The following RASGRP1 variants were observed in gnomAD, a reference collection of about 807,000 sequenced individuals.
RASGRP1 encodes the protein RAS guanyl releasing protein 1.
In RASGRP1, 37 loss-of-function variants were observed where a neutral mutation model predicts 95.1. The ratio of observed to expected loss-of-function variants is 0.39; its 90% CI spans 0.30 to 0.51. RASGRP1 has a LOEUF of 0.51. Ranked by LOEUF, RASGRP1 falls within the 20% of genes least tolerant of loss-of-function variation. RASGRP1 has a pLI of 0.80. For missense variants in RASGRP1, 711 were observed against 965.4 expected, an observed-to-expected ratio of 0.74 and a Z score of 3.49; for synonymous variants, 325 against 353.4, an observed-to-expected ratio of 0.92 and a Z score of 0.90.
chr15:38,529,941 T>C (rs560632225), intron 2 of RASGRP1, among the ~76,000 whole-genome samples: 13 of 152,382 alleles, frequency 8.5e-5, no homozygotes, highest in African/African-American at 2.9e-4. Flanking sequence ...AGCTTGGTTA[T>C]AGTTTTGTAA....
chr15:38,551,667 T>C (rs2141185466), intron 2 of RASGRP1, among the ~76,000 whole-genome samples: 1 of 152,204 alleles, frequency 6.6e-6, no homozygotes, highest in South Asian at 2.1e-4. Flanking sequence ...CCGAAGTTTC[T>C]ATACATGACA....
In RASGRP1 at chr15:38,508,011, A is replaced by C; in HGVS notation, c.967-10T>G. 6.3e-7 allele frequency: 1 copy of C among 1,594,482 alleles called. No individual in the cohort carries two copies. Among genetic ancestry groups the C allele is most frequent in the Non-Finnish European group, 8.5e-7 (1 of 1,170,722 alleles). The stretch of plus-strand genomic sequence containing the variant: ...TCATCTCACCGAGAACCTACAAAGC[A>C]GAACAGACCAATCACAGGTACCCGC... On this transcript the variant is annotated splice_polypyrimidine_tract_variant and intron_variant, in intron 8 of 16. Transcript: ENST00000310803.
chr15:38,503,232 C>T (rs935970982), intron 11 of RASGRP1, 40 bp downstream of exon 11: 2 of 1,495,716 alleles, frequency 1.3e-6, no homozygotes, highest in Non-Finnish European at 1.8e-6. Context: ...CTGAGCCAGG[C>T]AATGCCTAGT....
intron 2 of RASGRP1, among the ~76,000 whole-genome samples, chr15:38,551,106 C>A (rs994256480): frequency 2.0e-5 from 3 of 152,126 alleles, no homozygotes; most frequent in Non-Finnish European, 4.4e-5. Flanking sequence ...AGTGGTTGAT[C>A]TTATGTATAT....
intron 16 of RASGRP1, among the ~76,000 whole-genome samples, chr15:38,492,751 C>A (rs183254704): frequency 1.3e-5 from 2 of 152,178 alleles, no homozygotes; most frequent in African/African-American, 4.8e-5. Context: ...TTGAGCCAGC[C>A]CTGTGAGTTG....
At chr15:38,502,637 T>C (rs921898722) in intron 11 of RASGRP1, among the ~76,000 whole-genome samples, 2 of 152,312 alleles carry the variant, frequency 1.3e-5, no homozygotes, top group Admixed American at 1.3e-4. Flanking sequence ...CCATGTACTT[T>C]GAATCATTAG....
Position 38,526,290 on chromosome 15 carries a change from A to C in RASGRP1, c.326+9T>G. ...TTTTGGGATTGCCAGTCACTATGTTAAAGGATATAGGGTGATAACTTTTTG... is the reference window on the plus strand; with the variant it reads ...TTTTGGGATTGCCAGTCACTATGTTCAAGGATATAGGGTGATAACTTTTTG... On this transcript the variant is annotated intron_variant, in intron 3 of 16. Transcript: ENST00000310803. 1 of 1,604,658 alleles carries C rather than the reference A, an allele frequency of 6.2e-7. No homozygotes were observed. The highest frequency in any genetic ancestry group is 8.5e-7 in the Non-Finnish European group (1 of 1,171,834).
At chr15:38,519,577 A>T (rs148868575) in intron 3 of RASGRP1, among the ~76,000 whole-genome samples, 1 of 152,200 alleles carries the variant, frequency 6.6e-6, no homozygotes, top group South Asian at 2.1e-4. Flanking sequence ...CGATGATGGT[A>T]ATTTTCTCTC....
chr15:38,520,509 G>T (rs1891960464), intron 3 of RASGRP1, among the ~76,000 whole-genome samples: 1 of 152,170 alleles, frequency 6.6e-6, no homozygotes, highest in African/African-American at 2.4e-5. Context: ...ATGTTTAAAA[G>T]CATATTAGAA....
chr15:38,529,798 A>G (rs912390892), intron 2 of RASGRP1, among the ~76,000 whole-genome samples: 5 of 152,250 alleles, frequency 3.3e-5, no homozygotes, highest in Non-Finnish European at 5.9e-5. Context: ...ATATTTAGAA[A>G]TTGAGTTTGC....
chr15:38,523,053 T>C (rs1395806209), intron 3 of RASGRP1, among the ~76,000 whole-genome samples: 1 of 152,032 alleles, frequency 6.6e-6, no homozygotes, highest in Non-Finnish European at 1.5e-5. Flanking sequence ...TAAGAGTCAT[T>C]TCTGAAGTAG....
intron 8 of RASGRP1, among the ~76,000 whole-genome samples, chr15:38,508,236 C>T (rs755862335): frequency 8.5e-5 from 13 of 152,148 alleles, no homozygotes; most frequent in Non-Finnish European, 1.6e-4. Context: ...TGTTATATAA[C>T]TTAAACATTA....
At chr15:38,526,041 G>C (rs1035090108) in intron 3 of RASGRP1, among the ~76,000 whole-genome samples, 1 of 152,068 alleles carries the variant, frequency 6.6e-6, no homozygotes, top group South Asian at 2.1e-4. Context: ...TTACTATTAA[G>C]AGCCTGAAGA....
At chr15:38,519,640 G>C (rs1891922134) in intron 3 of RASGRP1, among the ~76,000 whole-genome samples, 1 of 152,110 alleles carries the variant, frequency 6.6e-6, no homozygotes, top group African/African-American at 2.4e-5. Context: ...GCAGAACTAA[G>C]AAATGAATCA....
At chr15:38,494,361 G>T (rs765107369) in intron 16 of RASGRP1, 21 bp downstream of exon 16, 2 of 1,612,768 alleles carry the variant, frequency 1.2e-6, no homozygotes, top group Admixed American at 1.7e-5. Flanking sequence ...CTGAAAAAAA[G>T]GAAAATGAAA....
intron 9 of RASGRP1, 116 bp from the exon 10 acceptor site, chr15:38,506,036 G>T (rs1891239570): frequency 1.3e-6 from 1 of 784,248 alleles, no homozygotes; most frequent in Non-Finnish European, 2.1e-6. Flanking sequence ...GTTCTAAACA[G>T]TTTGTTTTTA....
intron 11 of RASGRP1, chr15:38,502,825 G>A (rs1566912185): frequency 1.3e-5 from 3 of 228,528 alleles, no homozygotes; most frequent in Middle Eastern, 3.2e-3. Context: ...GTTTCTCACC[G>A]TTACGCTCTT....
intron 2 of RASGRP1, among the ~76,000 whole-genome samples, chr15:38,544,896 A>C (rs1385090646): frequency 6.6e-6 from 1 of 152,184 alleles, no homozygotes; most frequent in African/African-American, 2.4e-5. Flanking sequence ...TCTGAGACCC[A>C]AAAATAGTTG....
intron 8 of RASGRP1, among the ~76,000 whole-genome samples, chr15:38,509,657 C>T (rs1229599947): frequency 3.3e-5 from 5 of 152,116 alleles, no homozygotes; most frequent in African/African-American, 4.8e-5. Flanking sequence ...ACCTGGGAGG[C>T]GGAGATTCCA....
Sources: gnomAD v4.1 joint callset for allele counts (sites outside exome capture counted in the v4.1 genomes callset) on GRCh38, gnomAD v4.1.1 for gene constraint, MANE v1.5 for transcripts, NCBI Gene and HGNC (gene_info 2026-07-23, HGNC 2026-07-21) for gene names.